SEMA5A: variants seen among roughly 807,000 people sequenced by gnomAD.
SEMA5A encodes the protein semaphorin 5A, also known as semaphorin-5A.
SEMA5A carries 55 observed loss-of-function variants against 135.5 expected under a neutral mutation model. The ratio of observed to expected loss-of-function variants is 0.41; its 90% confidence interval spans 0.33 to 0.51. The LOEUF (loss-of-function observed/expected upper bound fraction) is 0.51, where lower values mean the gene tolerates loss of function less well. Among genes scored for constraint, SEMA5A ranks in the 20% least tolerant of loss-of-function variants. The pLI, the probability that SEMA5A is intolerant of heterozygous loss-of-function variation, is 0.37. For synonymous variants in SEMA5A, 580 were observed against 546.5 expected (o/e 1.06, Z -0.85); for missense variants, 1,290 against 1,419.9 (o/e 0.91, Z 1.47).
intron 8 of SEMA5A, among the ~76,000 whole-genome samples, chr5:9,216,584 G>C (rs1186214436): frequency 1.3e-5 from 2 of 152,008 alleles, no homozygotes; most frequent in Non-Finnish European, 2.9e-5. Flanking sequence ...TGTCAGTAGA[G>C]TGTTAAAGTC....
At chr5:9,324,053 T>C (rs564607238) in intron 4 of SEMA5A, among the ~76,000 whole-genome samples, 3 of 151,544 alleles carry the variant, frequency 2.0e-5, no homozygotes, top group African/African-American at 7.3e-5. Context: ...TTTTCAGCTA[T>C]TTTAAACAAT....
intron 4 of SEMA5A, among the ~76,000 whole-genome samples, chr5:9,323,096 T>G (rs960108156): frequency 5.3e-5 from 8 of 152,208 alleles, no homozygotes; most frequent in Admixed American, 3.3e-4. Context: ...TCTTTTTATT[T>G]TGCCTGAACA....
At chr5:9,114,796 TATGAA>T (rs1313925078) in intron 15 of SEMA5A, among the ~76,000 whole-genome samples, 2 of 152,172 alleles carry the variant, frequency 1.3e-5, no homozygotes, top group Non-Finnish European at 2.9e-5. Flanking sequence ...ATGCAAAAAA[TATGAA>T]ATAGCTTTCA....
chr5:9,401,150 A>C (rs890275323), intron 2 of SEMA5A, among the ~76,000 whole-genome samples: 1 of 152,176 alleles, frequency 6.6e-6, no homozygotes, highest in African/African-American at 2.4e-5. Flanking sequence ...CAAATAGCTA[A>C]AGAAAACTTT....
At chr5:9,423,098 G>A (rs502542) in intron 2 of SEMA5A, among the ~76,000 whole-genome samples, 136,433 of 152,186 alleles carry the variant, frequency 0.9, 61,636 homozygotes, top group African/African-American at 0.96. Flanking sequence ...TCTTACCACC[G>A]CCATGCAGCA....
intron 5 of SEMA5A, among the ~76,000 whole-genome samples, chr5:9,316,392 C>T (rs974231168): frequency 6.6e-6 from 1 of 152,120 alleles, no homozygotes; most frequent in Non-Finnish European, 1.5e-5. Flanking sequence ...GTGTTCACTG[C>T]TACTAAGAAT....
chr5:9,239,545 T>C (rs1295800284), intron 5 of SEMA5A, among the ~76,000 whole-genome samples: 3 of 152,146 alleles, frequency 2.0e-5, no homozygotes, highest in Non-Finnish European at 4.4e-5. Context: ...TAGATCTCTT[T>C]ACAAAATATT....
intron 1 of SEMA5A, among the ~76,000 whole-genome samples, chr5:9,443,616 CAT>C (rs1758320123): frequency 6.6e-6 from 1 of 152,188 alleles, no homozygotes; most frequent in South Asian, 2.1e-4. Flanking sequence ...TATCATCTCA[CAT>C]AGTTACATTT....
At chr5:9,369,194 A>G (rs1425584742) in intron 3 of SEMA5A, among the ~76,000 whole-genome samples, 1 of 152,154 alleles carries the variant, frequency 6.6e-6, no homozygotes, top group East Asian at 1.9e-4. Flanking sequence ...GACTTTATAT[A>G]TGCTGGACAC....
At chr5:9,375,218 A>T (rs1043808533) in intron 3 of SEMA5A, among the ~76,000 whole-genome samples, 2 of 152,150 alleles carry the variant, frequency 1.3e-5, no homozygotes, top group African/African-American at 4.8e-5. Context: ...CTCCCAAAAG[A>T]TATACTGAAG....
chr5:9,190,316 G>A lies in SEMA5A; in HGVS notation c.1224C>T (p.Asp408=), dbSNP rs1745030203. Residue 408 remains aspartate (D), a synonymous_variant, in exon 11 of 23, where the codon GAC becomes GAT. Coordinates refer to ENST00000382496, the MANE Select transcript of SEMA5A (RefSeq NM_003966.3). ...CGAGCGCTTCTCTGCCCTGCACCAC[G>A]TCGACTGCCACGTGGGAAAAGCGGC... ...DNSRFSHVAV[D]VVQGREALVH... is the part of the protein sequence containing the mutation. 6 of 1,614,144 alleles carry A rather than the reference G, an allele frequency of 3.7e-6. No individual in the cohort carries two copies. The highest frequency in any genetic ancestry group is 1.3e-5 in the African/African-American group (1 of 75,046).
At chr5:9,356,725 A>G (rs1352141309) in intron 3 of SEMA5A, among the ~76,000 whole-genome samples, 3 of 152,152 alleles carry the variant, frequency 2.0e-5, no homozygotes, top group Admixed American at 2.0e-4. Flanking sequence ...CACTGTGCAA[A>G]ACAGATACTG....
intron 3 of SEMA5A, among the ~76,000 whole-genome samples, chr5:9,339,709 C>A (rs1753559778): frequency 6.6e-6 from 1 of 152,114 alleles, no homozygotes; most frequent in South Asian, 2.1e-4. Context: ...TAGAAAAATT[C>A]ACTTTCAGGT....
intron 3 of SEMA5A, among the ~76,000 whole-genome samples, chr5:9,339,477 C>CG (rs1753548311): frequency 6.6e-6 from 1 of 152,186 alleles, no homozygotes; most frequent in Middle Eastern, 3.2e-3. Flanking sequence ...GCTCTTGCGT[C>CG]TGCATTGCTC....
At chr5:9,092,403 T>C (rs536646299) in intron 16 of SEMA5A, among the ~76,000 whole-genome samples, 16 of 152,332 alleles carry the variant, frequency 1.1e-4, no homozygotes, top group Middle Eastern at 3.4e-3. Flanking sequence ...CTCTCTATAA[T>C]AGTTGCATGT....
At chr5:9,290,103 A>G (rs937095670) in intron 5 of SEMA5A, among the ~76,000 whole-genome samples, 4 of 152,274 alleles carry the variant, frequency 2.6e-5, no homozygotes, top group Admixed American at 2.6e-4. Flanking sequence ...GTTTGGTTAT[A>G]TGAATAAGTT....
intron 12 of SEMA5A, among the ~76,000 whole-genome samples, chr5:9,144,763 A>AT (rs1169967933): frequency 1.3e-5 from 2 of 152,206 alleles, no homozygotes; most frequent in African/African-American, 4.8e-5. Context: ...CGCTGCTTGG[A>AT]TGAGGCCATG....
At chr5:9,063,760 G>T (rs1737309847) in intron 17 of SEMA5A, among the ~76,000 whole-genome samples, 1 of 152,214 alleles carries the variant, frequency 6.6e-6, no homozygotes, top group African/African-American at 2.4e-5. Flanking sequence ...GGAGCCAAGA[G>T]AGGCAGCAGC....
At chr5:9,062,179 G>A (rs1165340745) in intron 18 of SEMA5A, among the ~76,000 whole-genome samples, 1 of 152,108 alleles carries the variant, frequency 6.6e-6, no homozygotes, top group Admixed American at 6.5e-5. Flanking sequence ...ATCTAGCCTA[G>A]ATGATGTCTT....
Sources: allele counts gnomAD v4.1 joint callset (sites outside exome capture counted in the v4.1 genomes callset), GRCh38; gene constraint gnomAD v4.1.1; transcripts MANE v1.5; gene names NCBI Gene and HGNC (gene_info 2026-07-23, HGNC 2026-07-21).